The following DIP2B variants were observed in gnomAD, a reference collection of about 807,000 sequenced individuals.
DIP2B encodes disco-interacting protein 2 homolog B.
Under a neutral mutation model 198.0 loss-of-function variants are expected in DIP2B, and 76 were observed. The observed-to-expected ratio is 0.38, with a 90% confidence interval of 0.32 to 0.46. DIP2B has a LOEUF of 0.46. Among genes scored for constraint, DIP2B ranks in the 20% least tolerant of loss-of-function variants. DIP2B has a pLI of 0.99. For synonymous variants in DIP2B, 701 were observed against 739.1 expected, an observed-to-expected ratio of 0.95 and a Z score of 0.84; for missense variants, 1,559 against 1,978.4, an observed-to-expected ratio of 0.79 and a Z score of 4.02.
At chr12:50,513,975 C>G (rs1958041214) in intron 1 of DIP2B, among the ~76,000 whole-genome samples, 1 of 151,516 alleles carries the variant, frequency 6.6e-6, no homozygotes, top group Non-Finnish European at 1.5e-5. Context: ...ATTGTAGTCT[C>G]TTTTTAGCTC....
At chr12:50,524,897 T>G (rs1169567999) in intron 1 of DIP2B, among the ~76,000 whole-genome samples, 1 of 152,198 alleles carries the variant, frequency 6.6e-6, no homozygotes, top group Non-Finnish European at 1.5e-5. Context: ...CCGCCTAATT[T>G]TTATTTTTTG....
At chr12:50,524,268 T>C (rs894846759) in intron 1 of DIP2B, among the ~76,000 whole-genome samples, 1 of 152,256 alleles carries the variant, frequency 6.6e-6, no homozygotes, top group African/African-American at 2.4e-5. Context: ...TGTCCCAGCT[T>C]TCTTCTCTCT....
chr12:50,622,188 AG>A (rs1448806179), intron 1 of DIP2B, among the ~76,000 whole-genome samples: 2 of 152,198 alleles, frequency 1.3e-5, no homozygotes, highest in Non-Finnish European at 2.9e-5. Flanking sequence ...TTACAATAAA[AG>A]ACATGGTTTC....
intron 1 of DIP2B, among the ~76,000 whole-genome samples, chr12:50,569,339 T>C (rs1036768397): frequency 6.6e-6 from 1 of 152,178 alleles, no homozygotes. Flanking sequence ...TTTGAGAGCA[T>C]GCACCTTTCT....
rs549268767 is a variant in DIP2B, at chr12:50,582,038, A to G, written c.101-43938A>G. On this transcript the variant is annotated intron_variant, in intron 1 of 37. Coordinates refer to ENST00000301180, the MANE Select transcript of DIP2B (RefSeq NM_173602.3). ...GGACCTGGGCAGGCCTCCTGCAGAGAGGACACAGGGCATGGTGGAGCATGC... is the reference window on the plus strand; with the variant it reads ...GGACCTGGGCAGGCCTCCTGCAGAGGGGACACAGGGCATGGTGGAGCATGC... Among the ~76,000 whole-genome samples, 5 of 151,868 alleles carry G rather than the reference A, an allele frequency of 3.3e-5. No individual in the cohort carries two copies. The East Asian group carries it at 9.7e-4, about 29-fold the overall frequency.
rs569515867 is a variant in DIP2B at position 50,511,340 on chromosome 12, A to G, written c.100+6100A>G. The stretch of plus-strand genomic sequence containing the variant: ...GACAGGGTCTCACTCTGTTGCTCAG[A>G]CTGTGCAGTGGCACGACCTTGGCTC... On this transcript the variant is annotated intron_variant, in intron 1 of 37. Transcript: ENST00000301180. 3.7e-4 allele frequency among the ~76,000 whole-genome samples: 41 copies of G among 110,462 alleles called. 2 individuals are homozygous for G. The South Asian group carries it at 0.012, about 33-fold the overall frequency. 72.5% of individuals were successfully genotyped at this position (110,462 alleles called of 152,430 possible). A position where few individuals can be genotyped will look rare whatever the true frequency, so the allele number is the denominator to read the frequency against.
chr12:50,696,015 G>C, intron 16 of DIP2B, 48 bp downstream of exon 16: 1 of 1,611,004 alleles, frequency 6.2e-7, no homozygotes, highest in East Asian at 2.2e-5. Flanking sequence ...TGTTTTGATA[G>C]ATTAGGGTTT....
At chr12:50,718,469 GT>G (rs960871626) in intron 23 of DIP2B, among the ~76,000 whole-genome samples, 3 of 152,020 alleles carry the variant, frequency 2.0e-5, no homozygotes, top group African/African-American at 4.8e-5. Flanking sequence ...TGTTTGTTTG[GT>G]TTTTTTCCAG....
chr12:50,725,241 CTGGACT>C (rs1939910968), intron 28 of DIP2B, among the ~76,000 whole-genome samples: 2 of 152,144 alleles, frequency 1.3e-5, no homozygotes, highest in African/African-American at 4.8e-5. Flanking sequence ...TGAAACAATA[CTGGACT>C]AGGAGTCAGG....
chr12:50,586,843 G>T (rs1388669096), intron 1 of DIP2B, among the ~76,000 whole-genome samples: 1 of 152,194 alleles, frequency 6.6e-6, no homozygotes, highest in African/African-American at 2.4e-5. Context: ...AAAGTGTTGG[G>T]ATTACAGGCG....
At chr12:50,523,036 T>TA in intron 1 of DIP2B, among the ~76,000 whole-genome samples, 1 of 152,166 alleles carries the variant, frequency 6.6e-6, no homozygotes, top group Non-Finnish European at 1.5e-5. Flanking sequence ...TTAAATATTG[T>TA]AAGAAAGACA....
chr12:50,512,645 C>G (rs553890827), intron 1 of DIP2B, among the ~76,000 whole-genome samples: 1 of 152,160 alleles, frequency 6.6e-6, no homozygotes, highest in East Asian at 1.9e-4. Flanking sequence ...CTGTCTGTAC[C>G]ATTTATTAGC....
chr12:50,635,786 C>T (rs868806602), intron 2 of DIP2B, among the ~76,000 whole-genome samples: 2 of 152,270 alleles, frequency 1.3e-5, no homozygotes, highest in Non-Finnish European at 2.9e-5. Flanking sequence ...CACATTTTTG[C>T]ATACAACTTA....
intron 5 of DIP2B, among the ~76,000 whole-genome samples, chr12:50,671,889 C>A (rs1287239440): frequency 6.6e-6 from 1 of 152,212 alleles, no homozygotes; most frequent in African/African-American, 2.4e-5. Flanking sequence ...CTGGAGTGTG[C>A]AGGCCGAGGA....
chr12:50,660,394 T>C, intron 4 of DIP2B, 75 bp downstream of exon 4: 1 of 1,448,728 alleles, frequency 6.9e-7, no homozygotes, highest in Non-Finnish European at 9.1e-7. Flanking sequence ...CTTTTTCTTT[T>C]CTGAGGTAAG....
intron 1 of DIP2B, among the ~76,000 whole-genome samples, chr12:50,530,571 A>G (rs565928736): frequency 6.6e-6 from 1 of 152,292 alleles, no homozygotes; most frequent in African/African-American, 2.4e-5. Context: ...AAAAAGTGCA[A>G]AATAGCCTTA....
At chr12:50,577,810 A>G (rs1958677113) in intron 1 of DIP2B, among the ~76,000 whole-genome samples, 1 of 152,022 alleles carries the variant, frequency 6.6e-6, no homozygotes, top group Admixed American at 6.6e-5. Flanking sequence ...AAAAAAAAAA[A>G]TCTGGCCTCA....
At chr12:50,704,616 G>A (rs192390387) in intron 20 of DIP2B, among the ~76,000 whole-genome samples, 2 of 152,264 alleles carry the variant, frequency 1.3e-5, no homozygotes, top group East Asian at 3.9e-4. Flanking sequence ...AGTATACAGA[G>A]CATTTTCATG....
intron 22 of DIP2B, among the ~76,000 whole-genome samples, chr12:50,713,413 A>G (rs913882134): frequency 1.3e-5 from 2 of 152,210 alleles, no homozygotes; most frequent in Non-Finnish European, 2.9e-5. Flanking sequence ...GTGTTTTTGC[A>G]TTTGTATTTT....
Sources: gnomAD v4.1 joint callset for allele counts (sites outside exome capture counted in the v4.1 genomes callset) on GRCh38, gnomAD v4.1.1 for gene constraint, MANE v1.5 for transcripts, NCBI Gene and HGNC (gene_info 2026-07-23, HGNC 2026-07-21) for gene names.